SLC25A39: variants seen among roughly 807,000 people sequenced by gnomAD.
SLC25A39 encodes solute carrier family 25 member 39.
In SLC25A39, 44 loss-of-function variants were observed where a neutral mutation model predicts 46.6. The ratio of observed to expected loss-of-function variants is 0.94; its 90% CI spans 0.74 to 1.21. SLC25A39 has a LOEUF of 1.21. Among genes scored for constraint, SLC25A39 ranks in the 50% most tolerant of loss-of-function variants. The pLI, the probability that SLC25A39 is intolerant of heterozygous loss-of-function variation, is 0.00. For synonymous variants in SLC25A39, 218 were observed against 190.6 expected (o/e 1.14, Z -1.19); for missense variants, 487 against 473.0 (o/e 1.03, Z -0.28).
chr17:44,323,678 C>T lies in SLC25A39; in HGVS notation c.-15-101G>A, dbSNP rs1017434553. The T allele has an allele frequency of 5.8e-5, 46 of 792,868 alleles. No individual in the cohort carries two copies. In the Middle Eastern group the frequency reaches 1.1e-3, roughly 18 times the overall value. The allele number at this position is 792,868 out of a possible 1,614,324, so 49.1% of individuals were successfully genotyped here. ...TTTTGAGACGGCGTCTCGCTCTGCGCACTGTTGCCAGGCTGGAGTGCAGTG... is the reference window on the plus strand; with the variant it reads ...TTTTGAGACGGCGTCTCGCTCTGCGTACTGTTGCCAGGCTGGAGTGCAGTG... On this transcript the variant is annotated intron_variant, in intron 1 of 11. Coordinates refer to ENST00000377095, the MANE Select transcript of SLC25A39 (RefSeq NM_001143780.3).
intron 7 of SLC25A39, 90 bp from the exon 8 acceptor site, chr17:44,321,321 T>G: frequency 6.3e-7 from 1 of 1,583,826 alleles, no homozygotes; most frequent in South Asian, 1.2e-5. Context: ...TCTGGGGACC[T>G]AGAACACCCC....
intron 1 of SLC25A39, chr17:44,324,055 C>A: frequency 5.9e-6 from 1 of 170,838 alleles, no homozygotes; most frequent in Non-Finnish European, 1.3e-5. Flanking sequence ...CCGGGGAAAA[C>A]TAAGGCTCGG....
intron 8 of SLC25A39, 34 bp from the exon 9 acceptor site, chr17:44,320,765 A>C: frequency 6.5e-7 from 1 of 1,531,642 alleles, no homozygotes; most frequent in Non-Finnish European, 9.0e-7. Flanking sequence ...TAGAGACGGG[A>C]AGGGCAAGGA....
In SLC25A39 at chr17:44,320,429, G is replaced by T; in HGVS notation, c.809C>A (p.Ala270Glu). The T allele has an allele frequency of 1.2e-6, 2 of 1,613,532 alleles. No individual in the cohort carries two copies. The highest frequency in any genetic ancestry group is 1.7e-6 in the Non-Finnish European group (2 of 1,180,022). ...CACGTCAAAGGGTAGAGTCAGCACTGCAGCCACCTGGTGGGGTGGGCGGGG... is the reference window on the plus strand; with the variant it reads ...CACGTCAAAGGGTAGAGTCAGCACTTCAGCCACCTGGTGGGGTGGGCGGGG... ...VAGGISGTVA[A>E]VLTLPFDVVK... Residue 270 changes from alanine to glutamate, a missense_variant, in exon 10 of 12, where the codon GCA becomes GAA. Physicochemically the swap from Ala to Glu is moderately radical, Grantham distance 107 (BLOSUM62 -1). Transcript: ENST00000377095.
rs1166993082 is a variant in SLC25A39, at chr17:44,320,176, C to G, written c.964+20G>C. Reference sequence around the variant, plus strand: ...GTCGCAGGTCCGCCATGCCCCCACCCCCGACACCCACACACTGACCTGCAA... The same window carrying G: ...GTCGCAGGTCCGCCATGCCCCCACCGCCGACACCCACACACTGACCTGCAA... On this transcript the variant is annotated intron_variant, in intron 11 of 11. Transcript: ENST00000377095. The G allele has an allele frequency of 7.4e-6, 12 of 1,613,588 alleles. No homozygotes were observed. Among genetic ancestry groups the G allele is most frequent in the Non-Finnish European group, 1.0e-5 (12 of 1,179,918 alleles).
Position 44,319,969 on chromosome 17 carries a change from GGA to G in SLC25A39, c.*30_*31del. ...TCCTCCTGCCCTCTCCCCATCCGTGGGAGAGACGGGGTCCTTGCCTCCTTGCC... is the reference window on the plus strand; with the variant it reads ...TCCTCCTGCCCTCTCCCCATCCGTGGGAGACGGGGTCCTTGCCTCCTTGCC... On this transcript the variant is annotated 3_prime_UTR_variant, in exon 12 of 12. Transcript: ENST00000377095. 3 of 1,603,724 alleles carry G rather than the reference GGA, an allele frequency of 1.9e-6. No homozygotes were observed. The highest frequency in any genetic ancestry group is 2.6e-6 in the Non-Finnish European group (3 of 1,171,212).
chr17:44,319,965 C>T lies in SLC25A39; in HGVS notation c.*36G>A, dbSNP rs775228186. 1.8e-5 allele frequency: 29 copies of T among 1,585,278 alleles called. No individual in the cohort carries two copies. In the East Asian group the frequency reaches 3.8e-4, roughly 21 times the overall value. ...GGTCTCCTCCTGCCCTCTCCCCATC[C>T]GTGGGAGAGACGGGGTCCTTGCCTC... On this transcript the variant is annotated 3_prime_UTR_variant, in exon 12 of 12. Transcript: ENST00000377095.
At chr17:44,321,884 G>A in intron 5 of SLC25A39, 117 bp from the exon 6 acceptor site, 1 of 989,230 alleles carries the variant, frequency 1.0e-6, no homozygotes, top group Non-Finnish European at 1.5e-6. Flanking sequence ...CAGCCCTCAG[G>A]CCTCCCTGCC....
chr17:44,321,121 C>T lies in SLC25A39; in HGVS notation c.628G>A (p.Gly210Ser). Reference protein sequence around the residue: ...GACVRTAVAQGGWRSLWLGWG... With the variant: ...GACVRTAVAQSGWRSLWLGWG... ...CCCAGCCACAGTGAGCGCCAGCCAC[C>T]CTGAGCCACTGCAGTTCGAACACAG... Residue 210 changes from glycine (G) to serine (S), a missense_variant, in exon 8 of 12, where the codon GGT becomes AGT. Gly to Ser is a moderately conservative substitution (Grantham distance 56). Coordinates refer to ENST00000377095, the MANE Select transcript of SLC25A39 (RefSeq NM_001143780.3). 1 of 1,612,814 alleles carries T rather than the reference C, an allele frequency of 6.2e-7. No homozygotes were observed. The highest frequency in any genetic ancestry group is 8.5e-7 in the Non-Finnish European group (1 of 1,179,896).
chr17:44,321,727 G>A lies in SLC25A39; in HGVS notation c.365C>T (p.Thr122Ile). The A allele has an allele frequency of 6.2e-7, 1 of 1,612,662 alleles. No homozygotes were observed. The highest frequency in any genetic ancestry group is 8.5e-7 in the Non-Finnish European group (1 of 1,179,236). The change falls in exon 6 of 12, where the codon ACC becomes ATC. Residue 122 changes from threonine (T) to isoleucine (I), a missense_variant. Coordinates refer to ENST00000377095, the MANE Select transcript of SLC25A39 (RefSeq NM_001143780.3). ...VKIVRHEGTRTLWSGLPATLV... is the reference protein window; with the variant it reads ...VKIVRHEGTRILWSGLPATLV... The stretch of plus-strand genomic sequence containing the variant: ...GGTGGCGGGGAGGCCGCTCCAGAGG[G>A]TCCTGGTGCCCTCGTGCCTCACGAT...
chr17:44,323,448 C>G (rs60776742), intron 2 of SLC25A39, 30 bp downstream of exon 2: 9 of 1,333,776 alleles, frequency 6.7e-6, no homozygotes, highest in Non-Finnish European at 8.2e-6. Flanking sequence ...CATCCCCACC[C>G]GCCCCCACCC....
Position 44,323,321 on chromosome 17 carries a change from C to T in SLC25A39, c.108G>A (p.Lys36=), listed in dbSNP as rs750205557. The change falls in exon 3 of 12, where the codon AAG becomes AAA. Residue 36 remains lysine (K), a synonymous_variant. Coordinates refer to ENST00000377095, the MANE Select transcript of SLC25A39 (RefSeq NM_001143780.3). ...AGGGCCGCTGAGACTGCAGGCGAAC[C>T]TTCACCACGTCCAGGGGTGTCACTG... ...SLFMTPLDVV[K]VRLQSQRPSM... is the part of the protein sequence containing the mutation. The T allele has an allele frequency of 1.3e-5, 21 of 1,612,830 alleles. No homozygotes were observed. In the Admixed American group the frequency reaches 1.5e-4, roughly 12 times the overall value.
At chr17:44,323,439 A>AACCCCCCCCCCCCCCCCCCCCCCC in intron 2 of SLC25A39, 39 bp downstream of exon 2, 1 of 257,112 alleles carries the variant, frequency 3.9e-6, no homozygotes, top group Non-Finnish European at 5.7e-6. Flanking sequence ...GGTCTGCCCC[A>AACCCCCCCCCCCCCCCCCCCCCCC]TCCCCACCCG....
Position 44,320,511 on chromosome 17 carries a change from G to A in SLC25A39, c.802-75C>T, listed in dbSNP as rs1412417598. ...CCCCTACCTCCCAGATGGCTCTTGC[G>A]GCTGGGAGGGACAAAGGCCTCATGG... On this transcript the variant is annotated intron_variant, in intron 9 of 11. Coordinates refer to ENST00000377095, the MANE Select transcript of SLC25A39 (RefSeq NM_001143780.3). 2.3e-5 allele frequency: 37 copies of A among 1,588,248 alleles called. 1 individual carries two copies. The South Asian group carries it at 3.5e-4, about 15-fold the overall frequency.
At chr17:44,323,188 G>C (rs144072891) in intron 3 of SLC25A39, 96 bp downstream of exon 3, 58,204 of 1,446,312 alleles carry the variant, frequency 0.04, 1,412 homozygotes, top group Non-Finnish European at 0.049. Flanking sequence ...CTCCCAAAGC[G>C]CTGGGATTAC....
chr17:44,320,759 G>T, intron 8 of SLC25A39, 28 bp from the exon 9 acceptor site: 1 of 1,559,762 alleles, frequency 6.4e-7, no homozygotes, highest in Non-Finnish European at 8.8e-7. Flanking sequence ...ACTGATTAGA[G>T]ACGGGAAGGG....
intron 5 of SLC25A39, 109 bp from the exon 6 acceptor site, chr17:44,321,876 G>T: frequency 9.1e-7 from 1 of 1,100,506 alleles, no homozygotes; most frequent in Non-Finnish European, 1.3e-6. Flanking sequence ...TCTGCCCACA[G>T]CCCTCAGGCC....
At chr17:44,321,986 A>G (rs2048056544) in intron 5 of SLC25A39, among the ~76,000 whole-genome samples, 1 of 152,194 alleles carries the variant, frequency 6.6e-6, no homozygotes, top group Non-Finnish European at 1.5e-5. Context: ...TGGCTCACAT[A>G]TGTAATCCCA....
At chr17:44,323,435 C>CG in intron 2 of SLC25A39, 43 bp downstream of exon 2, 5 of 981,330 alleles carry the variant, frequency 5.1e-6, no homozygotes, top group Non-Finnish European at 7.3e-6. Flanking sequence ...CTCCGGTCTG[C>CG]CCCATCCCCA....
Sources: gnomAD v4.1 joint callset for allele counts (sites outside exome capture counted in the v4.1 genomes callset) on GRCh38, gnomAD v4.1.1 for gene constraint, MANE v1.5 for transcripts, NCBI Gene and HGNC (gene_info 2026-07-23, HGNC 2026-07-21) for gene names.